Variants in PHF20 observed in about 807,000 individuals in gnomAD.
The protein encoded by PHF20 is PHD finger protein 20, also known as glioma-expressed antigen 2.
Under a neutral mutation model 113.5 loss-of-function variants are expected in PHF20, and 23 were observed. The observed-to-expected ratio is 0.20, with a 90% CI of 0.15 to 0.29. The LOEUF (loss-of-function observed/expected upper bound fraction) is 0.29, where lower values mean the gene tolerates loss of function less well. Among genes scored for constraint, PHF20 ranks in the 10% least tolerant of loss-of-function variants. The pLI, the probability that PHF20 is intolerant of heterozygous loss-of-function variation, is 1.00. For missense variants in PHF20, 943 were observed against 1,219.6 expected (o/e 0.77, Z 3.38); for synonymous variants, 434 against 457.3 (o/e 0.95, Z 0.65).
At chr20:35,894,811 G>A (rs2054947030) in intron 9 of PHF20, among the ~76,000 whole-genome samples, 1 of 152,168 alleles carries the variant, frequency 6.6e-6, no homozygotes, top group Non-Finnish European at 1.5e-5. Context: ...CCCCTGTACT[G>A]TTTGATTTAT....
At chr20:35,901,992 A>C (rs927114857) in intron 10 of PHF20, among the ~76,000 whole-genome samples, 4 of 138,254 alleles carry the variant, frequency 2.9e-5, no homozygotes, top group Admixed American at 7.3e-5. Flanking sequence ...TTAGTTTGTG[A>C]GCTAATCTTT....
At chr20:35,873,327 C>G (rs1335031307) in intron 9 of PHF20, among the ~76,000 whole-genome samples, 1 of 151,984 alleles carries the variant, frequency 6.6e-6, no homozygotes, top group Non-Finnish European at 1.5e-5. Flanking sequence ...CCTCGAACTC[C>G]TGACCACAGG....
intron 9 of PHF20, among the ~76,000 whole-genome samples, chr20:35,890,331 A>G (rs949401346): frequency 3.9e-5 from 6 of 152,168 alleles, no homozygotes; most frequent in Non-Finnish European, 7.4e-5. Context: ...CACCTGACCT[A>G]TTTTAAAATG....
intron 2 of PHF20, among the ~76,000 whole-genome samples, chr20:35,808,861 C>T (rs1454779383): frequency 1.1e-4 from 16 of 151,662 alleles, no homozygotes; most frequent in East Asian, 1.9e-4. Flanking sequence ...CGTGAGCCAC[C>T]GCACCTGGCC....
chr20:35,811,514 C>G (rs113470631), intron 2 of PHF20, among the ~76,000 whole-genome samples: 5,633 of 151,408 alleles, frequency 0.037, 364 homozygotes, highest in African/African-American at 0.13. Context: ...ACAATCTCGG[C>G]TCACTGCAAC....
intron 15 of PHF20, among the ~76,000 whole-genome samples, chr20:35,932,198 G>T (rs1294455973): frequency 6.6e-6 from 1 of 150,606 alleles, no homozygotes; most frequent in African/African-American, 2.4e-5. Flanking sequence ...CTCCCAAGTA[G>T]TTGGGACTAC....
At chr20:35,777,979 C>T (rs1051137770) in intron 1 of PHF20, among the ~76,000 whole-genome samples, 2 of 152,176 alleles carry the variant, frequency 1.3e-5, no homozygotes, top group African/African-American at 4.8e-5. Context: ...GAAGTCAGGA[C>T]TTAAAGGTAT....
chr20:35,820,461 T>TTTTG (rs2042148783), intron 2 of PHF20, among the ~76,000 whole-genome samples: 5 of 150,962 alleles, frequency 3.3e-5, no homozygotes, highest in Admixed American at 1.3e-4. Context: ...TTTTTTTTTT[T>TTTTG]TTTGTGAGAT....
At chr20:35,931,654 C>T (rs1281227150) in intron 15 of PHF20, among the ~76,000 whole-genome samples, 1 of 151,912 alleles carries the variant, frequency 6.6e-6, no homozygotes, top group Non-Finnish European at 1.5e-5. Context: ...GGTTCATCCA[C>T]TTTAAGAGTT....
chr20:35,812,871 T>TG (rs1169705874), intron 2 of PHF20, among the ~76,000 whole-genome samples: 26 of 152,356 alleles, frequency 1.7e-4, no homozygotes, highest in African/African-American at 6.0e-4. Context: ...AATCCCTGCC[T>TG]GAATCAGTTA....
chr20:35,910,323 C>T (rs1383445906), intron 10 of PHF20, among the ~76,000 whole-genome samples: 1 of 152,080 alleles, frequency 6.6e-6, no homozygotes, highest in Non-Finnish European at 1.5e-5. Flanking sequence ...TGGAAATGTT[C>T]TTAGAACTAT....
chr20:35,796,349 T>C (rs961146762), intron 1 of PHF20, among the ~76,000 whole-genome samples: 1 of 152,226 alleles, frequency 6.6e-6, no homozygotes, highest in Non-Finnish European at 1.5e-5. Context: ...TTTTAATGGA[T>C]GAACTACATC....
intron 2 of PHF20, among the ~76,000 whole-genome samples, chr20:35,815,251 A>G (rs1707059340): frequency 6.6e-6 from 1 of 152,026 alleles, no homozygotes; most frequent in Non-Finnish European, 1.5e-5. Flanking sequence ...AAGAACTAAC[A>G]TAGAATATGC....
At chr20:35,911,745 G>A (rs902134715) in intron 10 of PHF20, among the ~76,000 whole-genome samples, 21 of 151,996 alleles carry the variant, frequency 1.4e-4, no homozygotes, top group Non-Finnish European at 2.2e-4. Flanking sequence ...TGCAACCTCC[G>A]CCTCCCCGAT....
In PHF20 at chr20:35,871,751, C is replaced by T. The variant is rs1199028815; in HGVS notation, c.1204C>T (p.Pro402Ser). Residue 402 changes from proline to serine, a missense_variant, in exon 9 of 18, where the codon CCA becomes TCA. By Grantham distance (74) the Pro-to-Ser change is moderately conservative (BLOSUM62 -1). Around this residue, in one of 3 missense-constraint regions of PHF20, gnomAD observed 592 missense variants for 787.2 expected, o/e 0.75. Transcript: ENST00000374012. ...SGAAGLELNC[P>S]SMGENTMKTE... is the part of the protein sequence containing the mutation. ...GGCTGCAGGCTTGGAGTTGAACTGC[C>T]CATCAATGGGAGAAAACACGATGAA... 1.2e-6 allele frequency: 2 copies of T among 1,613,766 alleles called. No homozygotes were observed. The highest frequency in any genetic ancestry group is 1.7e-6 in the Non-Finnish European group (2 of 1,179,806).
chr20:35,818,126 G>A (rs2042108859), intron 2 of PHF20, among the ~76,000 whole-genome samples: 1 of 151,680 alleles, frequency 6.6e-6, no homozygotes, highest in Non-Finnish European at 1.5e-5. Flanking sequence ...TCTACTAAAA[G>A]TACAAAAAAA....
chr20:35,823,752 C>A (rs1335981825), intron 2 of PHF20, among the ~76,000 whole-genome samples: 14 of 151,906 alleles, frequency 9.2e-5, no homozygotes. Context: ...ACCTCCAGCT[C>A]CTGTCACCCA....
chr20:35,864,600 G>A (rs1400423897), intron 6 of PHF20, among the ~76,000 whole-genome samples: 1 of 152,166 alleles, frequency 6.6e-6, no homozygotes, highest in Admixed American at 6.5e-5. Flanking sequence ...TCACATAAGT[G>A]TATTAGTACT....
At chr20:35,891,959 T>A (rs977923427) in intron 9 of PHF20, among the ~76,000 whole-genome samples, 1 of 152,096 alleles carries the variant, frequency 6.6e-6, no homozygotes, top group Non-Finnish European at 1.5e-5. Flanking sequence ...AACCTCCGCC[T>A]ACCGGGTTCA....
Sources: allele counts gnomAD v4.1 joint callset (sites outside exome capture counted in the v4.1 genomes callset), GRCh38; gene constraint gnomAD v4.1.1; regional missense constraint gnomAD v4.1.1; transcripts MANE v1.5; gene names NCBI Gene and HGNC (gene_info 2026-07-23, HGNC 2026-07-21).